The following CD36 variants were observed in gnomAD, a reference collection of about 807,000 sequenced individuals.
CD36 encodes the protein CD36 molecule (CD36 blood group).
CD36 carries 119 observed loss-of-function variants against 55.2 expected under a neutral mutation model. The ratio of observed to expected loss-of-function variants is 2.15; its 90% CI spans 1.86 to 2.51. The LOEUF (loss-of-function observed/expected upper bound fraction) is 2.51, where lower values mean the gene tolerates loss of function less well. CD36 is among the 30% of genes most tolerant of loss of function. The pLI, the probability that CD36 is intolerant of heterozygous loss-of-function variation, is 0.00. For missense variants in CD36, 819 were observed against 555.5 expected (o/e 1.47, Z -4.77); for synonymous variants, 186 against 193.6 (o/e 0.96, Z 0.33).
chr7:80,603,575 G>C (rs1461427512), intron 1 of CD36, among the ~76,000 whole-genome samples: 1 of 152,012 alleles, frequency 6.6e-6, no homozygotes, highest in African/African-American at 2.4e-5. Flanking sequence ...ATCCTGACAA[G>C]AGGAAAGGAA....
rs938336798 is a variant in CD36, at chr7:80,678,025, G to T, written c.*1642G>T. On this transcript the variant is annotated 3_prime_UTR_variant, in exon 15 of 15. Transcript: ENST00000447544. The stretch of plus-strand genomic sequence containing the variant: ...AAGACAACGAGATTAAAAATATGCA[G>T]TAGGAAAAATAATTACTTAAGGGGA... The T allele has an allele frequency of 8.6e-5, 13 of 152,042 alleles. No individual in the cohort carries two copies. The highest frequency in any genetic ancestry group is 3.1e-4 in the African/African-American group (13 of 41,406). 9.4% of individuals were successfully genotyped at this position (152,042 alleles called of 1,614,324 possible). A position where few individuals can be genotyped will look rare whatever the true frequency, so the allele number is the denominator to read the frequency against.
chr7:80,658,745 C>A (rs1374912948), intron 4 of CD36, among the ~76,000 whole-genome samples: 1 of 152,192 alleles, frequency 6.6e-6, no homozygotes, highest in Non-Finnish European at 1.5e-5. Flanking sequence ...ATCTATGTGC[C>A]TTGGCCTCGC....
chr7:80,669,900 T>G, intron 8 of CD36, 53 bp from the exon 9 acceptor site: 1 of 1,274,436 alleles, frequency 7.8e-7, no homozygotes, highest in Non-Finnish European at 1.1e-6. Flanking sequence ...TTTCTAGGTT[T>G]TTTTCTAGAA....
chr7:80,670,417 G>A (rs1797551176), intron 9 of CD36: 1 of 262,332 alleles, frequency 3.8e-6, no homozygotes, highest in Non-Finnish European at 7.4e-6. Flanking sequence ...CCCAAGCTCT[G>A]TCCCTAAAGA....
At chr7:80,650,801 A>T (rs3211834) in intron 3 of CD36, among the ~76,000 whole-genome samples, 1 of 151,632 alleles carries the variant, frequency 6.6e-6, no homozygotes, top group African/African-American at 2.4e-5. Flanking sequence ...TTTGCTCTTT[A>T]TTTTCAAGGG....
At chr7:80,658,227 A>C (rs564389945) in intron 4 of CD36, among the ~76,000 whole-genome samples, 1 of 152,332 alleles carries the variant, frequency 6.6e-6, no homozygotes, top group Non-Finnish European at 1.5e-5. Flanking sequence ...GCAAGAGTCT[A>C]TACAAGTATC....
rs904952011 is a variant in CD36 at position 80,668,570 on chromosome 7, C to A, written c.749-1383C>A. ...GACAGAAAAAAAGCTCTGCAAATAT[C>A]AACTATGTTGCAGTCATTGTCCATG... On this transcript the variant is annotated intron_variant, in intron 8 of 14. Coordinates refer to ENST00000447544, the MANE Select transcript of CD36 (RefSeq NM_001001548.3). Among the ~76,000 whole-genome samples, 3 of 152,218 alleles carry A rather than the reference C, an allele frequency of 2.0e-5. No individual in the cohort carries two copies. In the East Asian group the frequency reaches 5.8e-4, roughly 29 times the overall value.
rs115913173 is a variant in CD36 at position 80,656,495 on chromosome 7, T to C, written c.121-45T>C. 4.2e-4 allele frequency: 658 copies of C among 1,578,540 alleles called. 3 individuals are homozygous for C. In the African/African-American group the frequency reaches 8.2e-3, roughly 20 times the overall value. On this transcript the variant is annotated intron_variant, in intron 3 of 14. Coordinates refer to ENST00000447544, the MANE Select transcript of CD36 (RefSeq NM_001001548.3). ...GCAAACAATCTTCCAGAAGTGCCTG[T>C]ACTTACTACAAAGACATAACCCAAA...
intron 1 of CD36, among the ~76,000 whole-genome samples, chr7:80,626,434 C>T (rs1293908014): frequency 6.6e-6 from 1 of 152,024 alleles, no homozygotes; most frequent in Non-Finnish European, 1.5e-5. Flanking sequence ...ATTGCCTTAG[C>T]TTAAATCTAC....
intron 7 of CD36, 91 bp downstream of exon 7, chr7:80,664,588 C>A (rs1389421964): frequency 1.8e-5 from 14 of 793,436 alleles, no homozygotes; most frequent in Admixed American, 8.7e-5. Context: ...ACATAGGCAT[C>A]AACCTATAGA....
chr7:80,613,957 CT>C (rs1440150832), intron 1 of CD36, among the ~76,000 whole-genome samples: 2 of 152,186 alleles, frequency 1.3e-5, no homozygotes, highest in East Asian at 3.9e-4. Flanking sequence ...ATAATACTAT[CT>C]GAAAAGTTGT....
chr7:80,664,284 T>C (rs1037481962), intron 6 of CD36, 122 bp from the exon 7 acceptor site: 20 of 675,610 alleles, frequency 3.0e-5, no homozygotes, highest in East Asian at 5.2e-5. Flanking sequence ...AAAAATGTAT[T>C]GCAGATGTAT....
At chr7:80,604,170 A>G (rs1792401410) in intron 1 of CD36, among the ~76,000 whole-genome samples, 1 of 152,002 alleles carries the variant, frequency 6.6e-6, no homozygotes, top group African/African-American at 2.4e-5. Flanking sequence ...TCATGTGACT[A>G]GAATCCTCAG....
At chr7:80,622,434 A>G (rs566289895) in intron 1 of CD36, among the ~76,000 whole-genome samples, 1 of 152,384 alleles carries the variant, frequency 6.6e-6, no homozygotes, top group Admixed American at 6.5e-5. Flanking sequence ...ATCCACCAAA[A>G]ATCAAAGCAA....
At chr7:80,627,854 T>C (rs1357875310) in intron 1 of CD36, among the ~76,000 whole-genome samples, 1 of 152,094 alleles carries the variant, frequency 6.6e-6, no homozygotes, top group African/African-American at 2.4e-5. Flanking sequence ...AAAAGCTCAT[T>C]GTGTAGAAGC....
intron 5 of CD36, among the ~76,000 whole-genome samples, chr7:80,661,927 T>C (rs576601527): frequency 6.6e-6 from 1 of 152,096 alleles, no homozygotes; most frequent in South Asian, 2.1e-4. Flanking sequence ...CAACAGGGGG[T>C]GCCGTCCAAA....
chr7:80,634,193 A>G (rs1229728208), upstream of CD36, among the ~76,000 whole-genome samples: 1 of 152,064 alleles, frequency 6.6e-6, no homozygotes. Flanking sequence ...ATGATTATTC[A>G]GCAAGGTAAT....
intron 1 of CD36, among the ~76,000 whole-genome samples, chr7:80,630,626 A>G (rs936810424): frequency 1.3e-5 from 2 of 151,954 alleles, no homozygotes; most frequent in Non-Finnish European, 2.9e-5. Flanking sequence ...CCATGTTTTT[A>G]TGGATTTATT....
At chr7:80,629,386 A>G (rs1336604162) in intron 1 of CD36, among the ~76,000 whole-genome samples, 2 of 152,066 alleles carry the variant, frequency 1.3e-5, no homozygotes, top group Non-Finnish European at 2.9e-5. Flanking sequence ...GCACATTTTC[A>G]TGAGTTCTGG....
Sources: allele counts gnomAD v4.1 joint callset (sites outside exome capture counted in the v4.1 genomes callset), GRCh38; gene constraint gnomAD v4.1.1; transcripts MANE v1.5; gene names NCBI Gene and HGNC (gene_info 2026-07-23, HGNC 2026-07-21).